EPC2: variants seen among roughly 807,000 people sequenced by gnomAD.
EPC2 encodes enhancer of polycomb 2.
A neutral mutation model predicts 92.1 loss-of-function variants in EPC2; 14 were observed. The ratio of observed to expected loss-of-function variants is 0.15; its 90% CI spans 0.10 to 0.24. The LOEUF (loss-of-function observed/expected upper bound fraction) is 0.24, where lower values mean the gene tolerates loss of function less well. Among genes scored for constraint, EPC2 ranks in the 10% least tolerant of loss-of-function variants. The pLI, the probability that EPC2 is intolerant of heterozygous loss-of-function variation, is 1.00. For missense variants in EPC2, 755 were observed against 971.5 expected (o/e 0.78, Z 2.96); for synonymous variants, 340 against 334.7 (o/e 1.02, Z -0.17).
At chr2:148,779,925 T>A (rs1683716608) in intron 10 of EPC2, among the ~76,000 whole-genome samples, 1 of 152,206 alleles carries the variant, frequency 6.6e-6, no homozygotes, top group African/African-American at 2.4e-5. Context: ...TGGGTTTAAT[T>A]TAAGATTTTT....
At chr2:148,774,453 C>A (rs1395362887) in intron 10 of EPC2, among the ~76,000 whole-genome samples, 2 of 151,280 alleles carry the variant, frequency 1.3e-5, no homozygotes. Context: ...ATGGCAAAAC[C>A]CGGTTTCTAC....
intron 10 of EPC2, among the ~76,000 whole-genome samples, chr2:148,773,865 T>A (rs866284823): frequency 2.0e-5 from 3 of 152,140 alleles, no homozygotes; most frequent in Admixed American, 1.3e-4. Flanking sequence ...TGAGGGAGTT[T>A]TAGAAAGCTA....
intron 1 of EPC2, among the ~76,000 whole-genome samples, chr2:148,671,346 G>C (rs886800646): frequency 1.4e-5 from 2 of 147,202 alleles, no homozygotes; most frequent in Non-Finnish European, 3.0e-5. Flanking sequence ...GGGCATGATG[G>C]CTCATGCCTG....
chr2:148,691,651 C>T (rs1681646143), intron 2 of EPC2: 8 of 1,539,052 alleles, frequency 5.2e-6, no homozygotes, highest in East Asian at 2.4e-5. Flanking sequence ...CCGGAGACCA[C>T]GTTAAAGTTT....
intron 7 of EPC2, among the ~76,000 whole-genome samples, chr2:148,768,092 T>C (rs1016755897): frequency 3.3e-5 from 5 of 152,176 alleles, no homozygotes; most frequent in Non-Finnish European, 7.3e-5. Context: ...CAGTGGTAAT[T>C]ACCACAGTTT....
intron 10 of EPC2, among the ~76,000 whole-genome samples, chr2:148,776,451 A>G (rs999606482): frequency 2.6e-5 from 4 of 152,032 alleles, no homozygotes; most frequent in African/African-American, 9.7e-5. Context: ...CCTCTCCCCA[A>G]AGACTCAGTT....
chr2:148,726,464 CAT>C (rs1231506907), intron 2 of EPC2, among the ~76,000 whole-genome samples: 5 of 152,170 alleles, frequency 3.3e-5, no homozygotes, highest in Non-Finnish European at 7.4e-5. Flanking sequence ...TCCTTGCCAA[CAT>C]GTGTAATTTT....
intron 1 of EPC2, among the ~76,000 whole-genome samples, chr2:148,649,229 A>G (rs1680607037): frequency 6.6e-6 from 1 of 152,240 alleles, no homozygotes; most frequent in Non-Finnish European, 1.5e-5. Context: ...ATACAAAAAA[A>G]GTACCTATAT....
At chr2:148,760,714 G>A (rs187186595) in intron 4 of EPC2, among the ~76,000 whole-genome samples, 4 of 152,270 alleles carry the variant, frequency 2.6e-5, no homozygotes, top group Admixed American at 2.6e-4. Flanking sequence ...ATACCATAAT[G>A]GGACTTAGTG....
chr2:148,664,170 T>C (rs2105356802), intron 1 of EPC2, among the ~76,000 whole-genome samples: 1 of 152,320 alleles, frequency 6.6e-6, no homozygotes, highest in East Asian at 1.9e-4. Flanking sequence ...GACATTATTT[T>C]AGCCAGAATT....
intron 4 of EPC2, 76 bp downstream of exon 4, chr2:148,754,209 A>C: frequency 1.7e-6 from 2 of 1,161,774 alleles, no homozygotes; most frequent in Middle Eastern, 2.7e-4. Context: ...TAATAACTTG[A>C]ATAATTTTAA....
chr2:148,746,841 A>T (rs936521283), intron 3 of EPC2, among the ~76,000 whole-genome samples: 1 of 151,606 alleles, frequency 6.6e-6, no homozygotes, highest in Non-Finnish European at 1.5e-5. Context: ...ACACACAATT[A>T]GAGCTTAAAT....
At position 148,783,673 on chromosome 2, in the gene EPC2, G is replaced by T; in HGVS notation, c.1934G>T (p.Ser645Ile). ...SAHFAASAVV[S>I]APVPSRSEVA... ...CACTTTGCTGCATCTGCAGTGGTCA[G>T]TGCACCTGTTCCAAGTCGCAGTGAG... Residue 645 changes from serine to isoleucine, a missense_variant, in exon 12 of 14, where the codon AGT (serine) becomes ATT (isoleucine). Around this residue, in one of 4 missense-constraint regions of EPC2, gnomAD observed 207 missense variants for 260.5 expected, o/e 0.79. Coordinates refer to ENST00000258484, the MANE Select transcript of EPC2 (RefSeq NM_015630.4). The T allele has an allele frequency of 6.2e-7, 1 of 1,600,690 alleles. No homozygotes were observed. The highest frequency in any genetic ancestry group is 2.2e-5 in the East Asian group (1 of 44,572).
intron 9 of EPC2, 53 bp from the exon 10 acceptor site, chr2:148,770,991 A>G: frequency 1.3e-6 from 2 of 1,597,546 alleles, no homozygotes; most frequent in Non-Finnish European, 1.7e-6. Context: ...CAGAAGACAA[A>G]GAGAACATGT....
intron 1 of EPC2, among the ~76,000 whole-genome samples, chr2:148,681,807 G>C (rs906082353): frequency 1.4e-4 from 21 of 152,178 alleles, no homozygotes; most frequent in African/African-American, 5.1e-4. Context: ...TGCCATGTTG[G>C]TTTGCTGCAC....
At chr2:148,669,854 C>T (rs1681121063) in intron 1 of EPC2, among the ~76,000 whole-genome samples, 1 of 152,060 alleles carries the variant, frequency 6.6e-6, no homozygotes, top group African/African-American at 2.4e-5. Flanking sequence ...ATCCAATGCC[C>T]TTTAAATTTT....
At chr2:148,708,805 T>C (rs555090703) in intron 2 of EPC2, among the ~76,000 whole-genome samples, 2 of 152,288 alleles carry the variant, frequency 1.3e-5, no homozygotes, top group South Asian at 2.1e-4. Flanking sequence ...CCCTTCATGC[T>C]AAAAACTCTC....
At chr2:148,738,137 A>G (rs926558699) in intron 2 of EPC2, among the ~76,000 whole-genome samples, 5 of 152,180 alleles carry the variant, frequency 3.3e-5, no homozygotes, top group African/African-American at 7.2e-5. Context: ...AACAACAACA[A>G]CAACAACAAA....
At chr2:148,757,264 T>C (rs1574625601) in intron 4 of EPC2, among the ~76,000 whole-genome samples, 1 of 152,228 alleles carries the variant, frequency 6.6e-6, no homozygotes, top group East Asian at 1.9e-4. Flanking sequence ...TACTCCCAGC[T>C]GCTCGGGAGG....
Sources: allele counts gnomAD v4.1 joint callset (sites outside exome capture counted in the v4.1 genomes callset), GRCh38; gene constraint gnomAD v4.1.1; regional missense constraint gnomAD v4.1.1; transcripts MANE v1.5; gene names NCBI Gene and HGNC (gene_info 2026-07-23, HGNC 2026-07-21).